LRP1B: variants seen among roughly 807,000 people sequenced by gnomAD.
The protein encoded by LRP1B is low-density lipoprotein receptor-related protein 1B.
A neutral mutation model predicts 556.6 loss-of-function variants in LRP1B; 217 were observed. The ratio of observed to expected loss-of-function variants is 0.39; its 90% confidence interval spans 0.35 to 0.44. The LOEUF is 0.44. Ranked by LOEUF, LRP1B falls within the 20% of genes least tolerant of loss-of-function variation. The probability of loss-of-function intolerance (pLI) is 1.00; values close to 1 mark genes in which losing one functional copy is unlikely to be tolerated. For missense variants in LRP1B, 5,053 were observed against 5,620.8 expected (o/e 0.90, Z 3.23); for synonymous variants, 2,047 against 1,865.8 (o/e 1.10, Z -2.50).
intron 6 of LRP1B, among the ~76,000 whole-genome samples, chr2:141,191,097 T>C (rs112218585): frequency 6.6e-5 from 10 of 152,058 alleles, no homozygotes; most frequent in African/African-American, 2.2e-4. Flanking sequence ...TATTCTTAGC[T>C]CTTAACCATG....
intron 85 of LRP1B, among the ~76,000 whole-genome samples, chr2:140,273,661 T>A (rs1394869793): frequency 6.6e-6 from 1 of 151,996 alleles, no homozygotes; most frequent in African/African-American, 2.4e-5. Context: ...TTATTTATTA[T>A]ACTCCCAAGC....
chr2:140,458,563 C>T (rs375933988), intron 60 of LRP1B, among the ~76,000 whole-genome samples: 2 of 152,142 alleles, frequency 1.3e-5, no homozygotes, highest in Non-Finnish European at 2.9e-5. Flanking sequence ...TACTATTTCT[C>T]TGTACTAATT....
intron 1 of LRP1B, among the ~76,000 whole-genome samples, chr2:142,095,372 A>G (rs913404874): frequency 6.6e-6 from 1 of 151,856 alleles, no homozygotes; most frequent in African/African-American, 2.4e-5. Flanking sequence ...TAAGTAGTTC[A>G]GTAGACTCCA....
chr2:142,102,851 C>T (rs1350630134), intron 1 of LRP1B, among the ~76,000 whole-genome samples: 5 of 151,740 alleles, frequency 3.3e-5, no homozygotes, highest in African/African-American at 1.2e-4. Flanking sequence ...AAAATCTTAC[C>T]TTTTAAAATA....
intron 72 of LRP1B, among the ~76,000 whole-genome samples, chr2:140,361,947 T>C (rs1682536148): frequency 6.6e-6 from 1 of 151,596 alleles, no homozygotes; most frequent in Admixed American, 6.6e-5. Flanking sequence ...ACTGTTCCCT[T>C]TCCTGTGACC....
chr2:141,780,921 A>T (rs1695230880), intron 2 of LRP1B, among the ~76,000 whole-genome samples: 1 of 152,158 alleles, frequency 6.6e-6, no homozygotes, highest in African/African-American at 2.4e-5. Context: ...AATTGAGAAG[A>T]TGAGATAGGT....
chr2:141,983,800 C>G (rs1285829276), intron 1 of LRP1B, among the ~76,000 whole-genome samples: 1 of 152,170 alleles, frequency 6.6e-6, no homozygotes, highest in Non-Finnish European at 1.5e-5. Context: ...GTGGCTCACG[C>G]CTGCAATCCC....
rs147819654 is a variant in LRP1B, at chr2:140,768,400, G to A, written c.5758+813C>T. Among the ~76,000 whole-genome samples the A allele has an allele frequency of 1.8e-4, 28 of 151,786 alleles. 1 individual carries two copies. The East Asian group carries it at 4.3e-3, about 23-fold the overall frequency. ...AAGTCTTTACACATATAAAAACACC[G>A]TGGAAATGCATTTACATGTTCAACA... is the stretch of plus-strand genomic sequence containing the variant. On this transcript the variant is annotated intron_variant, in intron 35 of 90. Transcript: ENST00000389484.
chr2:140,236,051 C>T (rs2104877056), intron 89 of LRP1B, among the ~76,000 whole-genome samples: 1 of 150,768 alleles, frequency 6.6e-6, no homozygotes, highest in Admixed American at 6.6e-5. Flanking sequence ...AAGACTTTTT[C>T]CTTGAAAAAT....
intron 2 of LRP1B, among the ~76,000 whole-genome samples, chr2:141,758,317 C>T (rs1345127559): frequency 6.6e-6 from 1 of 152,170 alleles, no homozygotes; most frequent in South Asian, 2.1e-4. Context: ...CTCAGTAATT[C>T]TTATCATTTC....
Position 140,659,251 on chromosome 2 carries a change from G to GA in LRP1B, c.6799+40998dup, listed in dbSNP as rs1483790233. Among the ~76,000 whole-genome samples, 3 of 151,616 alleles carry GA rather than the reference G, an allele frequency of 2.0e-5. No homozygotes were observed. In the East Asian group the frequency reaches 5.8e-4, roughly 29 times the overall value. On this transcript the variant is annotated intron_variant, in intron 41 of 90. Coordinates refer to ENST00000389484, the MANE Select transcript of LRP1B (RefSeq NM_018557.3). ...AAGAAGATCCCACTTTACTGAACTA[G>GA]AAACATGTCATCTAATAGATACTTT...
At chr2:141,119,814 G>C (rs1277739041) in intron 7 of LRP1B, among the ~76,000 whole-genome samples, 1 of 151,684 alleles carries the variant, frequency 6.6e-6, no homozygotes, top group African/African-American at 2.4e-5. Flanking sequence ...TGTGCTCACA[G>C]AGCAGGGGAT....
chr2:140,254,189 C>A (rs772614332), intron 86 of LRP1B, among the ~76,000 whole-genome samples: 1 of 152,066 alleles, frequency 6.6e-6, no homozygotes, highest in Non-Finnish European at 1.5e-5. Flanking sequence ...TTAATAACTG[C>A]ACTTTAAAAT....
intron 35 of LRP1B, among the ~76,000 whole-genome samples, chr2:140,762,901 C>T (rs1688975699): frequency 6.6e-6 from 1 of 151,892 alleles, no homozygotes; most frequent in Non-Finnish European, 1.5e-5. Context: ...AAGAAAAGCA[C>T]TTTTTCAAGT....
rs146116557 is a variant in LRP1B, at chr2:141,507,533, G to T, written c.206-27000C>A. Among the ~76,000 whole-genome samples the T allele has an allele frequency of 1.1e-3, 173 of 152,112 alleles. 3 individuals carry two copies. In the East Asian group the frequency reaches 0.033, roughly 29 times the overall value. On this transcript the variant is annotated intron_variant, in intron 2 of 90. Transcript: ENST00000389484. ...AAATGCTAGATTTTTGCTTTTCTAT[G>T]CAGTCACGCAGTAAAGCTTTCAGTG...
At chr2:141,838,032 G>A (rs2105755730) in intron 1 of LRP1B, among the ~76,000 whole-genome samples, 1 of 152,108 alleles carries the variant, frequency 6.6e-6, no homozygotes, top group East Asian at 1.9e-4. Flanking sequence ...GGGTCCCGTG[G>A]GTTTAGCAAA....
chr2:141,397,560 T>C lies in LRP1B; in HGVS notation c.343+82836A>G, dbSNP rs77949364. On this transcript the variant is annotated intron_variant, in intron 3 of 90. Coordinates refer to ENST00000389484, the MANE Select transcript of LRP1B (RefSeq NM_018557.3). ...AACGCATTAAAGGAAACTGACTTAA[T>C]AGGACAATTTGAGATAAAAAGGCAA... Among the ~76,000 whole-genome samples, 258 of 152,080 alleles carry C rather than the reference T, an allele frequency of 1.7e-3. 7 individuals carry two copies. In the East Asian group the frequency reaches 0.045, roughly 26 times the overall value.
At position 141,639,304 on chromosome 2, in the gene LRP1B, GTATATATATATATATATA is replaced by G. The variant is rs577532316; in HGVS notation, c.206-158789_206-158772del. On this transcript the variant is annotated intron_variant, in intron 2 of 90. Coordinates refer to ENST00000389484, the MANE Select transcript of LRP1B (RefSeq NM_018557.3). ...GGACCCAGGAGTACGCATCATGTGT[GTATATATATATATATATA>G]TATATATATATATATATATATATAT... Among the ~76,000 whole-genome samples, 203 of 58,438 alleles carry G rather than the reference GTATATATATATATATATA, an allele frequency of 3.5e-3. 5 individuals are homozygous for G. Among genetic ancestry groups the G allele is most frequent in the South Asian group, 6.7e-3 (8 of 1,194 alleles). The allele number at this position is 58,438 out of a possible 152,430, so 38.3% of individuals were successfully genotyped here.
chr2:140,662,446 G>C lies in LRP1B; in HGVS notation c.6799+37804C>G, dbSNP rs376070381. Among the ~76,000 whole-genome samples the C allele has an allele frequency of 3.9e-5, 6 of 152,072 alleles. No homozygotes were observed. The East Asian group carries it at 5.8e-4, about 15-fold the overall frequency. On this transcript the variant is annotated intron_variant, in intron 41 of 90. Coordinates refer to ENST00000389484, the MANE Select transcript of LRP1B (RefSeq NM_018557.3). ...TAATACAAGGGAACTTAAAATGATA[G>C]AAAAAGAAGTGAAGCAATTAAATTA... is the stretch of plus-strand genomic sequence containing the variant.
Sources: gnomAD v4.1 joint callset for allele counts (sites outside exome capture counted in the v4.1 genomes callset) on GRCh38, gnomAD v4.1.1 for gene constraint, MANE v1.5 for transcripts, NCBI Gene and HGNC (gene_info 2026-07-23, HGNC 2026-07-21) for gene names.